CFAP299: variants seen among roughly 807,000 people sequenced by gnomAD.
CFAP299 encodes the protein cilia and flagella associated protein 299.
Under a neutral mutation model 27.0 loss-of-function variants are expected in CFAP299, and 21 were observed. That is an observed-to-expected ratio of 0.78 (90% confidence interval 0.55 to 1.12). The LOEUF (loss-of-function observed/expected upper bound fraction) is 1.12, where lower values mean the gene tolerates loss of function less well. Among genes scored for constraint, CFAP299 ranks in the 50% most tolerant of loss-of-function variants. The probability of loss-of-function intolerance (pLI) is 0.00; values close to 1 mark genes in which losing one functional copy is unlikely to be tolerated. For missense variants in CFAP299, 310 were observed against 276.6 expected (o/e 1.12, Z -0.86); for synonymous variants, 104 against 98.1 (o/e 1.06, Z -0.36).
intron 2 of CFAP299, among the ~76,000 whole-genome samples, chr4:80,400,806 G>A (rs1388225640): frequency 6.6e-6 from 1 of 152,206 alleles, no homozygotes; most frequent in Admixed American, 6.5e-5. Context: ...GGAGGGCTCA[G>A]AAAAAGTCAG....
intron 2 of CFAP299, among the ~76,000 whole-genome samples, chr4:80,447,360 C>T (rs1453589770): frequency 2.6e-5 from 4 of 151,278 alleles, no homozygotes; most frequent in South Asian, 2.1e-4. Flanking sequence ...TGGTCTCGAT[C>T]TCCTGACCTC....
intron 3 of CFAP299, among the ~76,000 whole-genome samples, chr4:80,855,746 T>G (rs1731831129): frequency 6.6e-6 from 1 of 152,256 alleles, no homozygotes. Flanking sequence ...TCATCATTTT[T>G]TATGGCTGCA....
At chr4:80,401,842 C>T (rs189601405) in intron 2 of CFAP299, among the ~76,000 whole-genome samples, 7 of 152,186 alleles carry the variant, frequency 4.6e-5, no homozygotes, top group Non-Finnish European at 7.4e-5. Context: ...TGAAAGCAGT[C>T]GGGAAGGAGG....
chr4:80,356,227 T>C (rs1409628758), intron 1 of CFAP299, among the ~76,000 whole-genome samples: 1 of 152,226 alleles, frequency 6.6e-6, no homozygotes, highest in African/African-American at 2.4e-5. Flanking sequence ...TACCATGCTG[T>C]TTCGGTTACT....
At chr4:80,692,821 A>G (rs952418520) in intron 3 of CFAP299, among the ~76,000 whole-genome samples, 2 of 152,228 alleles carry the variant, frequency 1.3e-5, no homozygotes, top group Admixed American at 6.5e-5. Context: ...GATATCCAGA[A>G]TCTATAATGA....
At chr4:80,716,047 T>A (rs1370220114) in intron 3 of CFAP299, among the ~76,000 whole-genome samples, 1 of 152,020 alleles carries the variant, frequency 6.6e-6, no homozygotes, top group Admixed American at 6.6e-5. Flanking sequence ...ACTAGGATAA[T>A]GTTGATAGAA....
At chr4:80,323,375 T>C in the CFAP299 span, among the ~76,000 whole-genome samples, 2 of 152,262 alleles carry the variant, frequency 1.3e-5, no homozygotes, top group African/African-American at 2.4e-5. Flanking sequence ...TAATGTATTA[T>C]CACTGTTCTT....
intron 3 of CFAP299, among the ~76,000 whole-genome samples, chr4:80,837,058 A>G (rs1351038455): frequency 6.6e-6 from 1 of 152,004 alleles, no homozygotes; most frequent in South Asian, 2.1e-4. Flanking sequence ...ATTAACAAAT[A>G]TATTGCTTAG....
chr4:80,333,664 A>T (rs1367861849), upstream of CFAP299, among the ~76,000 whole-genome samples: 1 of 152,210 alleles, frequency 6.6e-6, no homozygotes. Context: ...TTCTTACATA[A>T]CATATGTTTC....
At chr4:80,953,141 CTCAGAAATGTT>C (rs1231311059) in intron 5 of CFAP299, among the ~76,000 whole-genome samples, 4 of 152,318 alleles carry the variant, frequency 2.6e-5, no homozygotes, top group East Asian at 3.9e-4. Context: ...TCCGCAACGT[CTCAGAAATGTT>C]TCTGCAAACT....
intron 3 of CFAP299, among the ~76,000 whole-genome samples, chr4:80,723,514 A>C (rs949690760): frequency 2.6e-5 from 4 of 152,150 alleles, no homozygotes; most frequent in African/African-American, 9.7e-5. Context: ...ATTCTAAAAA[A>C]AACGCAAACT....
chr4:80,458,127 A>C (rs1451411420), intron 2 of CFAP299, among the ~76,000 whole-genome samples: 2 of 152,192 alleles, frequency 1.3e-5, no homozygotes, highest in African/African-American at 4.8e-5. Context: ...AGAGAGACTC[A>C]GGGAAAAATG....
intron 2 of CFAP299, among the ~76,000 whole-genome samples, chr4:80,518,353 G>A (rs1732692779): frequency 6.6e-6 from 1 of 152,038 alleles, no homozygotes; most frequent in Non-Finnish European, 1.5e-5. Flanking sequence ...AATTCTATAG[G>A]CAAAAAGATC....
chr4:80,565,410 A>G (rs559443579), intron 2 of CFAP299, among the ~76,000 whole-genome samples: 99 of 152,196 alleles, frequency 6.5e-4, no homozygotes, highest in Admixed American at 5.2e-4. Context: ...TTTATTAAAA[A>G]CAATATGAAC....
At chr4:80,605,776 A>G (rs553883969) in intron 3 of CFAP299, among the ~76,000 whole-genome samples, 37 of 152,354 alleles carry the variant, frequency 2.4e-4, no homozygotes, top group Non-Finnish European at 2.8e-4. Flanking sequence ...CAAGAATAAT[A>G]CAAAGAATAC....
chr4:80,858,597 TG>T (rs1340451347), intron 3 of CFAP299, among the ~76,000 whole-genome samples: 18 of 152,208 alleles, frequency 1.2e-4, no homozygotes, highest in Non-Finnish European at 2.2e-4. Context: ...CCAGGGATTC[TG>T]GTATGTTGTG....
chr4:80,517,548 G>C (rs1210690848), intron 2 of CFAP299, among the ~76,000 whole-genome samples: 1 of 152,148 alleles, frequency 6.6e-6, no homozygotes, highest in Non-Finnish European at 1.5e-5. Flanking sequence ...GTAATGTTAA[G>C]GTTATTGTTT....
intron 4 of CFAP299, among the ~76,000 whole-genome samples, chr4:80,895,777 G>C (rs1734582350): frequency 6.6e-6 from 1 of 151,942 alleles, no homozygotes; most frequent in African/African-American, 2.4e-5. Context: ...GCAGAACTGT[G>C]GAAGGCAGTG....
rs564474580 is a variant in CFAP299 at position 80,715,468 on chromosome 4, AT to A, written c.333+132292del. The stretch of plus-strand genomic sequence containing the variant: ...TTTGTTTTGTTTTGTGATGGCAGAC[AT>A]TTTTTTCTTGTTTCTGATGTGGTAA... On this transcript the variant is annotated intron_variant, in intron 3 of 5. Transcript: ENST00000358105. Among the ~76,000 whole-genome samples, 93 of 151,946 alleles carry A rather than the reference AT, an allele frequency of 6.1e-4. 1 individual carries two copies. Among genetic ancestry groups the A allele is most frequent in the Admixed American group, 5.6e-3 (86 of 15,234 alleles).
Sources: gnomAD v4.1 joint callset for allele counts (sites outside exome capture counted in the v4.1 genomes callset) on GRCh38, gnomAD v4.1.1 for gene constraint, MANE v1.5 for transcripts, NCBI Gene and HGNC (gene_info 2026-07-23, HGNC 2026-07-21) for gene names.